The following TCF7L2 variants were observed in gnomAD, a reference collection of about 807,000 sequenced individuals.
TCF7L2 encodes the protein transcription factor 7-like 2.
TCF7L2 carries 23 observed loss-of-function variants against 77.9 expected under a neutral mutation model. That is an observed-to-expected ratio of 0.30 (90% CI 0.21 to 0.42). The LOEUF is 0.42. Ranked by LOEUF, TCF7L2 falls within the 10% of genes least tolerant of loss-of-function variation. TCF7L2 has a pLI of 1.00. For synonymous variants in TCF7L2, 413 were observed against 340.2 expected (o/e 1.21, Z -2.36); for missense variants, 654 against 793.1 (o/e 0.82, Z 2.11).
chr10:113,096,122 A>G (rs74157213), intron 5 of TCF7L2, among the ~76,000 whole-genome samples: 4,435 of 152,214 alleles, frequency 0.029, 218 homozygotes, highest in African/African-American at 0.1. Context: ...TATTCCATAT[A>G]GGGTTTCCCA....
At chr10:113,148,277 G>A (rs963490465) in intron 8 of TCF7L2, among the ~76,000 whole-genome samples, 13 of 152,136 alleles carry the variant, frequency 8.5e-5, no homozygotes, top group African/African-American at 3.1e-4. Context: ...CTAAATTGGT[G>A]CAAGGCTCTT....
At chr10:113,154,312 G>A (rs940879148) in intron 11 of TCF7L2, among the ~76,000 whole-genome samples, 2 of 152,164 alleles carry the variant, frequency 1.3e-5, no homozygotes, top group African/African-American at 4.8e-5. Context: ...CTGCTCTCCT[G>A]GTTTCGGGTC....
chr10:113,034,852 C>G (rs116389394), intron 4 of TCF7L2, among the ~76,000 whole-genome samples: 2 of 152,168 alleles, frequency 1.3e-5, no homozygotes, highest in Non-Finnish European at 2.9e-5. Flanking sequence ...GTCGAGCTTG[C>G]GTCACTGCAC....
At chr10:112,956,683 C>T (rs2033693832) in intron 3 of TCF7L2, among the ~76,000 whole-genome samples, 1 of 152,124 alleles carries the variant, frequency 6.6e-6, no homozygotes, top group African/African-American at 2.4e-5. Flanking sequence ...CAAACTCGCA[C>T]CTCGACAGGT....
rs1347604300 is a variant in TCF7L2 at position 112,951,717 on chromosome 10, TCCTCCCCTCCCTC to T, written c.381+122_381+134del. The T allele has an allele frequency of 5.6e-4, 193 of 347,540 alleles. 4 individuals carry two copies. The South Asian group carries it at 0.021, about 38-fold the overall frequency. The allele number at this position is 347,540 out of a possible 1,614,324, so 21.5% of individuals were successfully genotyped here. On this transcript the variant is annotated intron_variant, in intron 3 of 13. Coordinates refer to ENST00000627217, the MANE Select transcript of TCF7L2 (RefSeq NM_001146274.2). ...CCCTCCCCGCCTCCCCCTCCCCGCC[TCCTCCCCTCCCTC>T]CCTCCCCTCCCCCGCTCGTGGCCCA...
intron 4 of TCF7L2, among the ~76,000 whole-genome samples, chr10:113,011,101 C>G (rs141356057): frequency 3.9e-5 from 6 of 152,324 alleles, no homozygotes; most frequent in African/African-American, 1.2e-4. Flanking sequence ...TGAAGAAACC[C>G]TGCTTTAGTT....
At chr10:113,079,223 G>A (rs996754854) in intron 5 of TCF7L2, among the ~76,000 whole-genome samples, 7 of 152,152 alleles carry the variant, frequency 4.6e-5, no homozygotes, top group Non-Finnish European at 1.0e-4. Context: ...TACTGTTTTG[G>A]TGGTTGTTTT....
intron 4 of TCF7L2, among the ~76,000 whole-genome samples, chr10:113,003,396 A>C (rs2044854365): frequency 2.0e-5 from 3 of 152,090 alleles, no homozygotes; most frequent in Admixed American, 2.0e-4. Context: ...TCTGCTTTGT[A>C]GCGAGCTGTC....
chr10:113,020,397 GT>G, intron 4 of TCF7L2, among the ~76,000 whole-genome samples: 1 of 152,292 alleles, frequency 6.6e-6, no homozygotes, highest in African/African-American at 2.4e-5. Context: ...TTCCAGCTGT[GT>G]GGTCCTTCTT....
At chr10:113,153,751 A>T (rs1592376631) in intron 11 of TCF7L2, among the ~76,000 whole-genome samples, 1 of 152,338 alleles carries the variant, frequency 6.6e-6, no homozygotes, top group East Asian at 1.9e-4. Flanking sequence ...AGGGATTCAG[A>T]GTTAAGTCGG....
intron 7 of TCF7L2, among the ~76,000 whole-genome samples, chr10:113,144,856 T>C (rs114059934): frequency 0.016 from 2,365 of 152,324 alleles, 68 homozygotes; most frequent in African/African-American, 0.053. Flanking sequence ...GCAGGTTGTG[T>C]GTATGTATAT....
intron 1 of TCF7L2, 90 bp from the exon 2 acceptor site, chr10:112,951,117 C>A: frequency 6.1e-6 from 8 of 1,306,272 alleles, no homozygotes; most frequent in East Asian, 5.7e-5. Flanking sequence ...TCTACCCCCC[C>A]CTCGACCTCG....
At chr10:113,000,210 ACT>A (rs1272952215) in intron 4 of TCF7L2, among the ~76,000 whole-genome samples, 1 of 152,102 alleles carries the variant, frequency 6.6e-6, no homozygotes, top group East Asian at 1.9e-4. Context: ...GACGAGTCTC[ACT>A]CTGTTTGTTT....
chr10:113,128,685 G>A (rs1293396199), intron 5 of TCF7L2, among the ~76,000 whole-genome samples: 1 of 152,128 alleles, frequency 6.6e-6, no homozygotes, highest in Admixed American at 6.5e-5. Flanking sequence ...GACCGGAAAA[G>A]CGTTCTGGAT....
At chr10:113,061,437 C>G (rs1257966356) in intron 5 of TCF7L2, among the ~76,000 whole-genome samples, 2 of 152,172 alleles carry the variant, frequency 1.3e-5, no homozygotes, top group African/African-American at 2.4e-5. Context: ...AAGGGAACAG[C>G]GTAAACTCAG....
chr10:113,145,547 T>C (rs766972828), intron 7 of TCF7L2, among the ~76,000 whole-genome samples: 6 of 152,200 alleles, frequency 3.9e-5, no homozygotes, highest in Admixed American at 6.5e-5. Context: ...CAAATTAAGC[T>C]CTGTTAATTT....
intron 4 of TCF7L2, among the ~76,000 whole-genome samples, chr10:112,970,203 C>T (rs565033226): frequency 2.0e-5 from 3 of 151,874 alleles, no homozygotes; most frequent in Admixed American, 6.6e-5. Context: ...CGCGCTTGTG[C>T]GTCCACACAA....
At chr10:113,139,623 A>G (rs576801946) in intron 5 of TCF7L2, among the ~76,000 whole-genome samples, 75 of 152,308 alleles carry the variant, frequency 4.9e-4, no homozygotes, top group Non-Finnish European at 9.7e-4. Flanking sequence ...GGAATTGGTA[A>G]ACCAGGCTGT....
chr10:113,074,371 T>C (rs1432943403), intron 5 of TCF7L2, among the ~76,000 whole-genome samples: 2 of 152,190 alleles, frequency 1.3e-5, no homozygotes, highest in Non-Finnish European at 2.9e-5. Flanking sequence ...CTATTATGAT[T>C]AGCAGATTAC....
Sources: gnomAD v4.1 joint callset for allele counts (sites outside exome capture counted in the v4.1 genomes callset) on GRCh38, gnomAD v4.1.1 for gene constraint, MANE v1.5 for transcripts, NCBI Gene and HGNC (gene_info 2026-07-23, HGNC 2026-07-21) for gene names.